RGS6: variants seen among roughly 807,000 people sequenced by gnomAD.
The protein encoded by RGS6 is regulator of G-protein signaling 6.
A neutral mutation model predicts 78.5 loss-of-function variants in RGS6; 30 were observed. That is an observed-to-expected ratio of 0.38 (90% CI 0.29 to 0.52). The LOEUF (loss-of-function observed/expected upper bound fraction) is 0.52. Ranked by LOEUF, RGS6 falls within the 20% of genes least tolerant of loss-of-function variation. The probability of loss-of-function intolerance (pLI) is 0.85; values close to 1 mark genes in which losing one functional copy is unlikely to be tolerated. For synonymous variants in RGS6, 206 were observed against 206.0 expected (o/e 1.00, Z 0.00); for missense variants, 495 against 609.7 (o/e 0.81, Z 1.98).
chr14:72,013,463 G>A (rs987677193), intron 2 of RGS6, among the ~76,000 whole-genome samples: 6 of 151,822 alleles, frequency 4.0e-5, no homozygotes, highest in African/African-American at 7.3e-5. Flanking sequence ...AATTTAAAAG[G>A]TAAATAGGAG....
intron 17 of RGS6, among the ~76,000 whole-genome samples, chr14:72,556,588 C>T (rs2097578727): frequency 1.3e-5 from 2 of 151,046 alleles, no homozygotes; most frequent in South Asian, 4.2e-4. Context: ...TGCTGGGTAC[C>T]TCCTCCATCC....
intron 17 of RGS6, chr14:72,547,449 A>G: frequency 1.2e-6 from 1 of 833,700 alleles, no homozygotes; most frequent in African/African-American, 1.8e-5. Context: ...CCCCTTTTAA[A>G]ATAGTGATGA....
chr14:72,344,449 G>A (rs1330850925), intron 2 of RGS6, among the ~76,000 whole-genome samples: 1 of 152,028 alleles, frequency 6.6e-6, no homozygotes, highest in East Asian at 1.9e-4. Flanking sequence ...TTTTTGTTAT[G>A]GAATCCATTC....
intron 2 of RGS6, among the ~76,000 whole-genome samples, chr14:72,265,056 G>A (rs2058806978): frequency 6.6e-6 from 1 of 152,218 alleles, no homozygotes; most frequent in Non-Finnish European, 1.5e-5. Context: ...ATCAATGTGG[G>A]AGAATGGAAT....
the RGS6 span, among the ~76,000 whole-genome samples, chr14:71,912,494 G>T: frequency 6.6e-6 from 1 of 152,220 alleles, no homozygotes; most frequent in Non-Finnish European, 1.5e-5. Context: ...AGTCAAGATG[G>T]AAGGAAAACC....
chr14:72,297,432 T>A (rs2681722), intron 2 of RGS6, among the ~76,000 whole-genome samples: 70,181 of 142,502 alleles, frequency 0.49, 16,530 homozygotes, highest in South Asian at 0.57. Flanking sequence ...TATTATTATT[T>A]TTTTTTTATA....
rs3819549 is a variant in RGS6, at chr14:72,464,596, G to T, written c.395-1162G>T. The T allele has an allele frequency of 2.4e-3, 361 of 152,202 alleles. 1 individual carries two copies. Among genetic ancestry groups the T allele is most frequent in the African/African-American group, 8.3e-3 (343 of 41,530 alleles). The allele number at this position is 152,202 out of a possible 1,614,324, so 9.4% of individuals were successfully genotyped here. A position where few individuals can be genotyped will look rare whatever the true frequency, so the allele number is the denominator to read the frequency against. The stretch of plus-strand genomic sequence containing the variant: ...TTGTCCAACAACAAAATGATCACAG[G>T]TTCTCTCTGGCCCTCCCTCTTGATC... On this transcript the variant is annotated intron_variant, in intron 6 of 17. Coordinates refer to ENST00000553525, the MANE Select transcript of RGS6 (RefSeq NM_001204424.2).
chr14:72,588,188 C>T, the RGS6 span, among the ~76,000 whole-genome samples: 1 of 152,150 alleles, frequency 6.6e-6, no homozygotes, highest in Non-Finnish European at 1.5e-5. Context: ...AGATAGCCCC[C>T]AGGGGTTCCC....
intron 2 of RGS6, among the ~76,000 whole-genome samples, chr14:72,137,848 T>C (rs908401526): frequency 2.0e-5 from 3 of 152,158 alleles, no homozygotes; most frequent in African/African-American, 7.2e-5. Context: ...CTTCATCACA[T>C]AGGCACAATT....
chr14:72,346,683 T>C (rs576787856), intron 2 of RGS6, among the ~76,000 whole-genome samples: 10 of 152,308 alleles, frequency 6.6e-5, no homozygotes, highest in African/African-American at 1.9e-4. Flanking sequence ...ACTGTAGGGA[T>C]GAGAAAAGTG....
At chr14:72,418,008 T>TTTCCCTG (rs1278472779) in intron 3 of RGS6, among the ~76,000 whole-genome samples, 9 of 152,142 alleles carry the variant, frequency 5.9e-5, no homozygotes, top group Non-Finnish European at 1.2e-4. Context: ...CAAGTTAGGC[T>TTTCCCTG]TTCCCTGTTT....
intron 3 of RGS6, among the ~76,000 whole-genome samples, chr14:72,363,240 A>T (rs1260915833): frequency 6.6e-6 from 1 of 152,242 alleles, no homozygotes; most frequent in Non-Finnish European, 1.5e-5. Context: ...GGGAATTCAC[A>T]TCCATGAAGT....
At chr14:72,308,064 G>GT (rs1751596170) in intron 2 of RGS6, among the ~76,000 whole-genome samples, 1 of 152,078 alleles carries the variant, frequency 6.6e-6, no homozygotes, top group Non-Finnish European at 1.5e-5. Context: ...CTAATTAAAT[G>GT]TTTTATTATT....
At chr14:72,175,708 G>T (rs957310477) in intron 2 of RGS6, among the ~76,000 whole-genome samples, 12 of 152,184 alleles carry the variant, frequency 7.9e-5, no homozygotes, top group African/African-American at 2.9e-4. Context: ...CTCAAGGGTG[G>T]GGACTGCGTT....
chr14:72,277,805 G>A (rs117022961), intron 2 of RGS6, among the ~76,000 whole-genome samples: 1,701 of 152,122 alleles, frequency 0.011, 17 homozygotes, highest in Non-Finnish European at 0.017. Flanking sequence ...GTATGCACCT[G>A]TAGTCCCAGC....
At chr14:72,121,204 A>G (rs2096042542) in intron 2 of RGS6, among the ~76,000 whole-genome samples, 1 of 152,172 alleles carries the variant, frequency 6.6e-6, no homozygotes, top group Non-Finnish European at 1.5e-5. Context: ...ACTTGACGAC[A>G]CTGTGCTCTT....
chr14:71,945,138 A>G (rs2109268), intron 1 of RGS6, among the ~76,000 whole-genome samples: 127,598 of 152,130 alleles, frequency 0.84, 54,151 homozygotes, highest in Non-Finnish European at 0.9. Context: ...AGTTAAAGCC[A>G]TCTCAGACCA....
At chr14:71,938,152 G>A (rs1346977721) in intron 1 of RGS6, among the ~76,000 whole-genome samples, 1 of 152,138 alleles carries the variant, frequency 6.6e-6, no homozygotes, top group Non-Finnish European at 1.5e-5. Context: ...GTCACCCGTT[G>A]GTGAGCACTT....
intron 15 of RGS6, among the ~76,000 whole-genome samples, chr14:72,526,309 A>G (rs924416644): frequency 7.9e-5 from 12 of 151,606 alleles, no homozygotes; most frequent in Non-Finnish European, 1.3e-4. Flanking sequence ...GTTTCACCAT[A>G]TTAGCCAGGA....
Sources: gnomAD v4.1 joint callset for allele counts (sites outside exome capture counted in the v4.1 genomes callset) on GRCh38, gnomAD v4.1.1 for gene constraint, MANE v1.5 for transcripts, NCBI Gene and HGNC (gene_info 2026-07-23, HGNC 2026-07-21) for gene names.